The following FBXL7 variants were observed in gnomAD, a reference collection of about 807,000 sequenced individuals.
The protein encoded by FBXL7 is F-box/LRR-repeat protein 7.
In FBXL7, 12 loss-of-function variants were observed where a neutral mutation model predicts 38.3. The ratio of observed to expected loss-of-function variants is 0.31; its 90% CI spans 0.20 to 0.51. The LOEUF is 0.51. FBXL7 is among the 20% of genes least tolerant of loss of function. The pLI is 0.98. For missense variants in FBXL7, 567 were observed against 676.4 expected (o/e 0.84, Z 1.79); for synonymous variants, 297 against 300.9 (o/e 0.99, Z 0.13).
chr5:15,739,198 T>C (rs1735832720), intron 2 of FBXL7, among the ~76,000 whole-genome samples: 1 of 152,156 alleles, frequency 6.6e-6, no homozygotes, highest in South Asian at 2.1e-4. Context: ...CAGCTGGGCC[T>C]GAGGGACAGG....
At chr5:15,906,524 T>A (rs1352080518) in intron 2 of FBXL7, among the ~76,000 whole-genome samples, 1 of 151,268 alleles carries the variant, frequency 6.6e-6, no homozygotes, top group Admixed American at 6.6e-5. Context: ...TTTTTTTTTT[T>A]TTTTATTATA....
intron 2 of FBXL7, among the ~76,000 whole-genome samples, chr5:15,670,065 A>G (rs1383465753): frequency 6.6e-6 from 1 of 152,156 alleles, no homozygotes; most frequent in Non-Finnish European, 1.5e-5. Flanking sequence ...TATGTAGCAG[A>G]TGTGTAACAT....
chr5:15,788,308 A>G, intron 2 of FBXL7, among the ~76,000 whole-genome samples: 1 of 152,100 alleles, frequency 6.6e-6, no homozygotes, highest in Non-Finnish European at 1.5e-5. Context: ...TAGCCGGTTT[A>G]TGTTTTAACC....
chr5:15,734,828 A>G (rs1032189585), intron 2 of FBXL7, among the ~76,000 whole-genome samples: 3 of 152,238 alleles, frequency 2.0e-5, no homozygotes, highest in Non-Finnish European at 4.4e-5. Flanking sequence ...ACATATATAG[A>G]AAAGAGAGAA....
intron 2 of FBXL7, among the ~76,000 whole-genome samples, chr5:15,864,050 C>T (rs1004980839): frequency 6.6e-6 from 1 of 152,016 alleles, no homozygotes; most frequent in African/African-American, 2.4e-5. Context: ...TCAGGTCTCT[C>T]AGAGAAGAGT....
At chr5:15,654,183 A>C (rs188462682) in intron 2 of FBXL7, among the ~76,000 whole-genome samples, 14 of 152,296 alleles carry the variant, frequency 9.2e-5, no homozygotes, top group South Asian at 2.1e-4. Flanking sequence ...TTTTTACTCT[A>C]GGGCAAAGGT....
At chr5:15,872,540 T>G (rs1445312429) in intron 2 of FBXL7, among the ~76,000 whole-genome samples, 1 of 152,154 alleles carries the variant, frequency 6.6e-6, no homozygotes, top group Non-Finnish European at 1.5e-5. Flanking sequence ...GAGACCCATC[T>G]CATGTGCAAA....
intron 3 of FBXL7, among the ~76,000 whole-genome samples, chr5:15,931,181 C>T (rs1396716227): frequency 6.6e-6 from 1 of 152,166 alleles, no homozygotes; most frequent in East Asian, 1.9e-4. Context: ...TAGCATTAAA[C>T]ATCATTGCAC....
chr5:15,590,376 T>C (rs556668023), intron 1 of FBXL7, among the ~76,000 whole-genome samples: 7 of 152,186 alleles, frequency 4.6e-5, no homozygotes, highest in South Asian at 4.1e-4. Context: ...TTCTCTAAGC[T>C]TGACCTAGCT....
rs563750133 is a variant in FBXL7, at chr5:15,845,154, G to C, written c.128-82736G>C. Among the ~76,000 whole-genome samples the C allele has an allele frequency of 7.9e-5, 12 of 152,250 alleles. 1 individual carries two copies. In the South Asian group the frequency reaches 2.3e-3, roughly 29 times the overall value. ...GTTGATCCCTCTGATTTAACTGCTG[G>C]GTGAAAATTCTTCCTTCTGAGAAAT... On this transcript the variant is annotated intron_variant, in intron 2 of 3. Transcript: ENST00000504595.
intron 2 of FBXL7, among the ~76,000 whole-genome samples, chr5:15,648,487 T>TA (rs1297364745): frequency 2.0e-5 from 3 of 152,214 alleles, no homozygotes; most frequent in Admixed American, 6.5e-5. Flanking sequence ...TTCTACATTT[T>TA]AAAAAATCTC....
At chr5:15,531,760 A>G (rs1580354775) in intron 1 of FBXL7, among the ~76,000 whole-genome samples, 1 of 152,200 alleles carries the variant, frequency 6.6e-6, no homozygotes, top group East Asian at 1.9e-4. Context: ...AATGAAGCCT[A>G]CTGTGTACCT....
chr5:15,878,592 G>A (rs1740311939), intron 2 of FBXL7, among the ~76,000 whole-genome samples: 1 of 152,126 alleles, frequency 6.6e-6, no homozygotes, highest in African/African-American at 2.4e-5. Context: ...CTAATGTTTG[G>A]ACACATGTAT....
chr5:15,556,469 C>T (rs933191580), intron 1 of FBXL7, among the ~76,000 whole-genome samples: 1 of 152,138 alleles, frequency 6.6e-6, no homozygotes, highest in Non-Finnish European at 1.5e-5. Flanking sequence ...TCCAGGAACA[C>T]CCTCACAGAC....
At chr5:15,592,840 T>C (rs1739523059) in intron 1 of FBXL7, among the ~76,000 whole-genome samples, 1 of 152,224 alleles carries the variant, frequency 6.6e-6, no homozygotes, top group Non-Finnish European at 1.5e-5. Context: ...ATAGTCTGTT[T>C]ACCTCAGATT....
intron 2 of FBXL7, among the ~76,000 whole-genome samples, chr5:15,634,508 G>GC (rs1034597948): frequency 2.1e-4 from 31 of 149,002 alleles, no homozygotes; most frequent in Middle Eastern, 3.4e-3. Flanking sequence ...TTTTAGTTGG[G>GC]GGGGGGGTTT....
At chr5:15,805,295 G>A (rs1294739618) in intron 2 of FBXL7, among the ~76,000 whole-genome samples, 3 of 152,168 alleles carry the variant, frequency 2.0e-5, no homozygotes, top group African/African-American at 7.2e-5. Context: ...AGAGAAGGGT[G>A]TTGTGCTGGA....
At chr5:15,774,352 C>A (rs920579154) in intron 2 of FBXL7, among the ~76,000 whole-genome samples, 2 of 152,100 alleles carry the variant, frequency 1.3e-5, no homozygotes, top group Admixed American at 6.6e-5. Context: ...TCCATTTTAC[C>A]AGGGGAAGAA....
At chr5:15,682,896 G>C (rs541771304) in intron 2 of FBXL7, among the ~76,000 whole-genome samples, 1 of 152,164 alleles carries the variant, frequency 6.6e-6, no homozygotes, top group Non-Finnish European at 1.5e-5. Context: ...TCTGTTTGTC[G>C]AAGATGACAG....
Sources: gnomAD v4.1 joint callset for allele counts (sites outside exome capture counted in the v4.1 genomes callset) on GRCh38, gnomAD v4.1.1 for gene constraint, MANE v1.5 for transcripts, NCBI Gene and HGNC (gene_info 2026-07-23, HGNC 2026-07-21) for gene names.